KLKB1: variants seen among roughly 807,000 people sequenced by gnomAD.
KLKB1 encodes the protein plasma kallikrein.
Under a neutral mutation model 73.6 loss-of-function variants are expected in KLKB1, and 58 were observed. That is an observed-to-expected ratio of 0.79 (90% CI 0.64 to 0.98). The LOEUF is 0.98. Ranked by LOEUF, KLKB1 falls within the 50% of genes least tolerant of loss-of-function variation. The pLI, the probability that KLKB1 is intolerant of heterozygous loss-of-function variation, is 0.00. For synonymous variants in KLKB1, 280 were observed against 258.1 expected, an observed-to-expected ratio of 1.08 and a Z score of -0.81; for missense variants, 737 against 763.8, an observed-to-expected ratio of 0.96 and a Z score of 0.41.
intron 11 of KLKB1, among the ~76,000 whole-genome samples, chr4:186,254,288 A>T (rs1276692624): frequency 1.3e-5 from 2 of 152,260 alleles, no homozygotes; most frequent in African/African-American, 4.8e-5. Context: ...ATAAACTGCT[A>T]GTTTCTTCCC....
Position 186,256,073 on chromosome 4 carries a change from T to A in KLKB1, c.1571T>A (p.Phe524Tyr). 1 of 1,607,038 alleles carries A rather than the reference T, an allele frequency of 6.2e-7. No homozygotes were observed. The highest frequency in any genetic ancestry group is 1.1e-5 in the South Asian group (1 of 90,914). ...AACTGTTGGGTAACCGGATGGGGCT[T>A]CTCGAAGGAGAAAGGTAAGCATGAC... ...YTNCWVTGWG[F>Y]SKEKGEIQNI... The change falls in exon 13 of 15, where the codon TTC becomes TAC. Residue 524 changes from phenylalanine (F) to tyrosine (Y), a missense_variant. Coordinates refer to ENST00000264690, the MANE Select transcript of KLKB1 (RefSeq NM_000892.5).
rs763289434 is a variant in KLKB1, at chr4:186,233,940, C to T, written c.222-12C>T. On this transcript the variant is annotated splice_polypyrimidine_tract_variant and intron_variant, in intron 3 of 14. Coordinates refer to ENST00000264690, the MANE Select transcript of KLKB1 (RefSeq NM_000892.5). ...TTATTCTACTTCCTAAGTAAAGCTA[C>T]TTTTAAAATAGGTTTGGTTGCTTCT... The T allele has an allele frequency of 3.8e-6, 6 of 1,591,548 alleles. No individual in the cohort carries two copies. The highest frequency in any genetic ancestry group is 3.4e-6 in the Non-Finnish European group (4 of 1,159,604).
At chr4:186,239,334 G>A (rs1250822747) in intron 6 of KLKB1, among the ~76,000 whole-genome samples, 1 of 151,128 alleles carries the variant, frequency 6.6e-6, no homozygotes, top group Non-Finnish European at 1.5e-5. Context: ...CAGTGATATT[G>A]TTATAGTTAT....
chr4:186,246,594 T>C (rs28811960), intron 6 of KLKB1, among the ~76,000 whole-genome samples: 1 of 152,012 alleles, frequency 6.6e-6, no homozygotes, highest in Non-Finnish European at 1.5e-5. Context: ...AGGTCAGGTG[T>C]GAGTTGAAGA....
chr4:186,247,852 AC>A (rs1489010020), intron 6 of KLKB1, among the ~76,000 whole-genome samples: 2 of 152,220 alleles, frequency 1.3e-5, no homozygotes, highest in African/African-American at 4.8e-5. Flanking sequence ...CATAAAATTA[AC>A]CCTTTGAAAG....
At chr4:186,218,423 T>G (rs190073618) in intron 2 of KLKB1, among the ~76,000 whole-genome samples, 2 of 152,338 alleles carry the variant, frequency 1.3e-5, no homozygotes, top group Admixed American at 1.3e-4. Context: ...AAGCATTTTT[T>G]AAAATGGAAA....
chr4:186,254,072 A>T lies in KLKB1; in HGVS notation c.1314-516A>T, dbSNP rs1023486408. On this transcript the variant is annotated intron_variant, in intron 11 of 14. Transcript: ENST00000264690. ...GGTCTCGAACTCCTGGCCTCAAGGG[A>T]TCCACCCACCTCGGCCTCCCGAAGT... Among the ~76,000 whole-genome samples the T allele has an allele frequency of 2.0e-5, 3 of 152,144 alleles. No individual in the cohort carries two copies. The South Asian group carries it at 6.2e-4, about 32-fold the overall frequency.
chr4:186,257,437 G>A, intron 14 of KLKB1, 72 bp downstream of exon 14: 3 of 1,397,204 alleles, frequency 2.1e-6, no homozygotes, highest in Non-Finnish European at 2.9e-6. Flanking sequence ...TTTTCCAATA[G>A]CATAATTCAA....
chr4:186,224,264 C>T (rs1459450396), upstream of KLKB1, among the ~76,000 whole-genome samples: 1 of 152,232 alleles, frequency 6.6e-6, no homozygotes, highest in Non-Finnish European at 1.5e-5. Flanking sequence ...AGCCCACACA[C>T]AGAGACCCCA....
chr4:186,212,954 A>G (rs1435401844), intron 2 of KLKB1: 8 of 152,250 alleles, frequency 5.3e-5, no homozygotes, highest in Non-Finnish European at 1.2e-4. Context: ...GAAAATGGGC[A>G]TATTAGAAAA....
At chr4:186,214,064 G>T (rs1394474513) in intron 2 of KLKB1, among the ~76,000 whole-genome samples, 1 of 152,126 alleles carries the variant, frequency 6.6e-6, no homozygotes, top group African/African-American at 2.4e-5. Context: ...TTAAATTCGA[G>T]TTCTCCCCAA....
intron 4 of KLKB1, among the ~76,000 whole-genome samples, chr4:186,236,110 T>C (rs1300570916): frequency 1.6e-5 from 1 of 63,904 alleles, no homozygotes; most frequent in South Asian, 4.5e-4. Context: ...CGAGACTCCG[T>C]CTCAAAAAAA....
At chr4:186,255,899 G>T in intron 12 of KLKB1, 93 bp from the exon 13 acceptor site, 1 of 848,330 alleles carries the variant, frequency 1.2e-6, no homozygotes, top group Non-Finnish European at 2.0e-6. Flanking sequence ...CTACTCTATA[G>T]AAAGAGAAGA....
chr4:186,230,557 G>T (rs796683201), intron 2 of KLKB1, among the ~76,000 whole-genome samples: 3 of 152,266 alleles, frequency 2.0e-5, no homozygotes, highest in African/African-American at 7.2e-5. Context: ...ATACAGCACA[G>T]ACACAGCTAT....
At chr4:186,220,881 G>A (rs142501053) in intron 2 of KLKB1, among the ~76,000 whole-genome samples, 6 of 152,252 alleles carry the variant, frequency 3.9e-5, no homozygotes, top group African/African-American at 1.4e-4. Context: ...AGTTTGAGAA[G>A]GATTGGTGTT....
chr4:186,245,991 G>A (rs1007438725), intron 6 of KLKB1, among the ~76,000 whole-genome samples: 43 of 151,746 alleles, frequency 2.8e-4, no homozygotes, highest in African/African-American at 9.9e-4. Context: ...GAGCCTAAAC[G>A]CTAACTGATT....
At chr4:186,215,353 TTTCTTTCCTTCCTTCCTTCCTTCC>T in intron 2 of KLKB1, among the ~76,000 whole-genome samples, 1 of 47,258 alleles carries the variant, frequency 2.1e-5, no homozygotes, top group Non-Finnish European at 6.4e-5. Context: ...TCTTTCCTTC[TTTCTTTCCTTCCTTCCTTCCTTCC>T]TTCTTTCCTT....
upstream of KLKB1, among the ~76,000 whole-genome samples, chr4:186,222,171 C>A (rs548190819): frequency 6.6e-6 from 1 of 152,316 alleles, no homozygotes; most frequent in Non-Finnish European, 1.5e-5. Flanking sequence ...AAGTTAGTCT[C>A]TTACAGGCAG....
At chr4:186,216,018 CA>C (rs1311616722) in intron 2 of KLKB1, among the ~76,000 whole-genome samples, 1 of 152,140 alleles carries the variant, frequency 6.6e-6, no homozygotes, top group Non-Finnish European at 1.5e-5. Context: ...GACGGAACCT[CA>C]AGACGACATT....
Sources: gnomAD v4.1 joint callset for allele counts (sites outside exome capture counted in the v4.1 genomes callset) on GRCh38, gnomAD v4.1.1 for gene constraint, MANE v1.5 for transcripts, NCBI Gene and HGNC (gene_info 2026-07-23, HGNC 2026-07-21) for gene names.